The following ARHGEF3 variants were observed in gnomAD, a reference collection of about 807,000 sequenced individuals.
The protein encoded by ARHGEF3 is 59.8 kDA protein.
In ARHGEF3, 28 loss-of-function variants were observed where a neutral mutation model predicts 63.2. That is an observed-to-expected ratio of 0.44 (90% CI 0.33 to 0.61). The LOEUF (loss-of-function observed/expected upper bound fraction) is 0.61. ARHGEF3 is among the 20% of genes least tolerant of loss of function. The pLI, the probability that ARHGEF3 is intolerant of heterozygous loss-of-function variation, is 0.03. For missense variants in ARHGEF3, 533 were observed against 659.3 expected, an observed-to-expected ratio of 0.81 and a Z score of 2.10; for synonymous variants, 266 against 254.2, an observed-to-expected ratio of 1.05 and a Z score of -0.44.
At chr3:56,805,361 A>G (rs961904196), upstream of ARHGEF3, among the ~76,000 whole-genome samples, 5 of 152,132 alleles carry the variant, frequency 3.3e-5, no homozygotes, top group Admixed American at 6.5e-5. Context: ...CAGCCCCTCA[A>G]GTAGCTGGGA....
chr3:56,899,314 A>C (rs775408092), intron 3 of ARHGEF3, among the ~76,000 whole-genome samples: 2 of 152,222 alleles, frequency 1.3e-5, no homozygotes, highest in African/African-American at 2.4e-5. Context: ...TTCTTTACCC[A>C]GCAACAGATC....
intron 3 of ARHGEF3, among the ~76,000 whole-genome samples, chr3:56,925,658 T>C (rs562118925): frequency 6.6e-6 from 1 of 152,104 alleles, no homozygotes; most frequent in African/African-American, 2.4e-5. Flanking sequence ...CCCTAGTTTA[T>C]AGATGAGGAA....
chr3:56,985,513 T>G (rs1353014931), intron 2 of ARHGEF3, among the ~76,000 whole-genome samples: 1 of 152,226 alleles, frequency 6.6e-6, no homozygotes, highest in Non-Finnish European at 1.5e-5. Flanking sequence ...ATGTGACATA[T>G]TCATTCGCCG....
chr3:57,076,449 A>C (rs1706225494), intron 1 of ARHGEF3, among the ~76,000 whole-genome samples: 1 of 152,168 alleles, frequency 6.6e-6, no homozygotes, highest in Non-Finnish European at 1.5e-5. Context: ...GAATGATAGC[A>C]TGCAGGAGGC....
At chr3:56,966,317 AG>A (rs1433456242) in intron 2 of ARHGEF3, among the ~76,000 whole-genome samples, 2 of 152,246 alleles carry the variant, frequency 1.3e-5, no homozygotes, top group Non-Finnish European at 2.9e-5. Flanking sequence ...ATGTAGGATG[AG>A]GGCCCTGGAA....
intron 3 of ARHGEF3, among the ~76,000 whole-genome samples, chr3:56,883,353 G>A (rs2108262303): frequency 6.6e-6 from 1 of 150,570 alleles, no homozygotes; most frequent in African/African-American, 2.4e-5. Context: ...AGGCTGGAGT[G>A]CAGTGGTGTG....
At chr3:56,890,457 C>T (rs184701636) in intron 3 of ARHGEF3, among the ~76,000 whole-genome samples, 12 of 152,246 alleles carry the variant, frequency 7.9e-5, no homozygotes, top group Admixed American at 5.9e-4. Flanking sequence ...ATTGCTACTG[C>T]GGTTATTACC....
At chr3:57,039,034 G>A (rs975265080) in intron 1 of ARHGEF3, among the ~76,000 whole-genome samples, 7 of 152,126 alleles carry the variant, frequency 4.6e-5, no homozygotes, top group Admixed American at 2.0e-4. Flanking sequence ...TGAGATAAGC[G>A]CTGTTCTGAC....
chr3:56,881,467 C>A (rs763803296), intron 4 of ARHGEF3, among the ~76,000 whole-genome samples: 1 of 152,118 alleles, frequency 6.6e-6, no homozygotes, highest in Non-Finnish European at 1.5e-5. Flanking sequence ...GCATCAGAGG[C>A]CAAGGTAGGC....
intron 1 of ARHGEF3, among the ~76,000 whole-genome samples, chr3:57,042,692 ATATATATATTTT>A (rs1245326793): frequency 4.2e-5 from 1 of 23,968 alleles, no homozygotes; most frequent in African/African-American, 1.4e-4. Context: ...ATATATATAT[ATATATATATTTT>A]TTTTTTTTTT....
intron 1 of ARHGEF3, among the ~76,000 whole-genome samples, chr3:57,040,055 G>A (rs941811571): frequency 6.6e-6 from 1 of 152,150 alleles, no homozygotes; most frequent in Non-Finnish European, 1.5e-5. Flanking sequence ...AATCAATGGT[G>A]GTGATTCCCA....
intron 3 of ARHGEF3, among the ~76,000 whole-genome samples, chr3:56,929,313 C>G (rs1482673157): frequency 6.6e-6 from 1 of 152,206 alleles, no homozygotes; most frequent in Non-Finnish European, 1.5e-5. Flanking sequence ...GCCCAACTTT[C>G]TTCTGCTACA....
intron 2 of ARHGEF3, among the ~76,000 whole-genome samples, chr3:56,772,337 G>C (rs2036051823): frequency 6.6e-6 from 1 of 152,200 alleles, no homozygotes; most frequent in Non-Finnish European, 1.5e-5. Context: ...TGTATGGTAG[G>C]CAGGCAAGGA....
intron 4 of ARHGEF3, among the ~76,000 whole-genome samples, chr3:56,876,805 C>T (rs560535823): frequency 9.2e-5 from 14 of 152,320 alleles, no homozygotes; most frequent in Middle Eastern, 3.4e-3. Context: ...CCAGCTCCAT[C>T]GCCACCAGCT....
intron 2 of ARHGEF3, among the ~76,000 whole-genome samples, chr3:57,025,385 G>A (rs892541901): frequency 3.3e-5 from 5 of 152,134 alleles, no homozygotes; most frequent in East Asian, 1.9e-4. Flanking sequence ...AGTCCCACCC[G>A]CTCACTTCAG....
intron 2 of ARHGEF3, among the ~76,000 whole-genome samples, chr3:56,967,812 T>TA (rs1700631721): frequency 2.5e-5 from 2 of 80,620 alleles, no homozygotes; most frequent in Non-Finnish European, 4.2e-5. Flanking sequence ...ATATAATATA[T>TA]ATTATATAAT....
intron 4 of ARHGEF3, among the ~76,000 whole-genome samples, chr3:56,818,897 AAG>A (rs2038366127): frequency 6.6e-6 from 1 of 152,206 alleles, no homozygotes; most frequent in Non-Finnish European, 1.5e-5. Flanking sequence ...AGAAAGAATA[AAG>A]AGAGAGGAAA....
chr3:56,760,413 C>T (rs572494282), intron 2 of ARHGEF3, among the ~76,000 whole-genome samples: 5 of 152,176 alleles, frequency 3.3e-5, no homozygotes, highest in South Asian at 2.1e-4. Context: ...TCTTCTGCTG[C>T]GGCATGGGAA....
chr3:56,761,996 G>A (rs573082934), intron 2 of ARHGEF3, among the ~76,000 whole-genome samples: 4 of 152,204 alleles, frequency 2.6e-5, no homozygotes, highest in South Asian at 4.1e-4. Flanking sequence ...CAACATTTTG[G>A]ACTAGAGATT....
Sources: allele counts gnomAD v4.1 joint callset (sites outside exome capture counted in the v4.1 genomes callset), GRCh38; gene constraint gnomAD v4.1.1; transcripts MANE v1.5; gene names NCBI Gene and HGNC (gene_info 2026-07-23, HGNC 2026-07-21).